Variants in AJAP1 observed in about 807,000 individuals in gnomAD.
AJAP1 encodes adherens junctions associated protein 1.
In AJAP1, 5 loss-of-function variants were observed where a neutral mutation model predicts 35.0. That is an observed-to-expected ratio of 0.14 (90% CI 0.07 to 0.30). The LOEUF (loss-of-function observed/expected upper bound fraction) is 0.30, where lower values mean the gene tolerates loss of function less well. Among genes scored for constraint, AJAP1 ranks in the 10% least tolerant of loss-of-function variants. The pLI, the probability that AJAP1 is intolerant of heterozygous loss-of-function variation, is 1.00. For missense variants in AJAP1, 586 were observed against 571.0 expected (o/e 1.03, Z -0.27); for synonymous variants, 284 against 249.3 (o/e 1.14, Z -1.31).
At chr1:4,678,940 C>T (rs1040627764) in intron 1 of AJAP1, among the ~76,000 whole-genome samples, 5 of 152,238 alleles carry the variant, frequency 3.3e-5, no homozygotes, top group African/African-American at 1.2e-4. Context: ...TCCTAATCCT[C>T]ATTGCACAGC....
At chr1:4,751,143 C>A (rs1557639452) in intron 2 of AJAP1, among the ~76,000 whole-genome samples, 2 of 152,162 alleles carry the variant, frequency 1.3e-5, no homozygotes, top group East Asian at 3.9e-4. Flanking sequence ...GACAGGTGCT[C>A]CTCCTCCAGA....
chr1:4,760,479 C>T (rs1641540695), intron 2 of AJAP1, among the ~76,000 whole-genome samples: 1 of 152,138 alleles, frequency 6.6e-6, no homozygotes, highest in African/African-American at 2.4e-5. Context: ...TCTGCTTCTT[C>T]CAGCACTGGA....
At chr1:4,704,198 G>A (rs374452134) in intron 1 of AJAP1, among the ~76,000 whole-genome samples, 72 of 148,696 alleles carry the variant, frequency 4.8e-4, no homozygotes, top group African/African-American at 1.7e-3. Flanking sequence ...GGGTACATGT[G>A]CACAATGTGC....
chr1:4,681,628 C>T (rs1639485261), intron 1 of AJAP1, among the ~76,000 whole-genome samples: 1 of 152,226 alleles, frequency 6.6e-6, no homozygotes, highest in Non-Finnish European at 1.5e-5. Context: ...TGCCTGGAGG[C>T]AGAATATTTT....
chr1:4,749,577 C>T (rs1039256398), intron 2 of AJAP1, among the ~76,000 whole-genome samples: 1 of 152,186 alleles, frequency 6.6e-6, no homozygotes, highest in African/African-American at 2.4e-5. Context: ...CTGTGGAGGC[C>T]AGGGGGAGGC....
intron 1 of AJAP1, among the ~76,000 whole-genome samples, chr1:4,683,260 C>T (rs917053238): frequency 2.0e-5 from 3 of 152,246 alleles, no homozygotes; most frequent in Non-Finnish European, 2.9e-5. Context: ...GTGCCTGGCA[C>T]TGGGCCTGCC....
At chr1:4,760,351 ATGAG>A (rs755402836) in intron 2 of AJAP1, among the ~76,000 whole-genome samples, 4 of 150,398 alleles carry the variant, frequency 2.7e-5, no homozygotes, top group Non-Finnish European at 4.4e-5. Flanking sequence ...GTGTGTGTGT[ATGAG>A]TGTGTGTGCA....
chr1:4,711,926 GC>G lies in AJAP1; in HGVS notation c.61del (p.Leu21SerfsTer8). On this transcript the variant is annotated frameshift_variant, in exon 2 of 6. Transcript: ENST00000378191. LOFTEE classifies it high-confidence loss of function. Reference protein sequence around the residue: ...LSSMSIRWPGRPLGSHAWILI... With the variant: ...LSSMSIRWPGXPLGSHAWILI... ...TCCATGTCCATCCGCTGGCCGGGCC[GC>G]CCCCTCGGAAGCCATGCCTGGATAC... 1 of 1,520,982 alleles carries G rather than the reference GC, an allele frequency of 6.6e-7. No individual in the cohort carries two copies. The allele number at this position is 1,520,982 out of a possible 1,614,324, so 94.2% of individuals were successfully genotyped here. A position where few individuals can be genotyped will look rare whatever the true frequency, so the allele number is the denominator to read the frequency against.
rs1484161999 is a variant in AJAP1 at position 4,791,331 on chromosome 1, T to G, written c.*8846T>G. 6.6e-6 allele frequency: 1 copy of G among 152,226 alleles called. No homozygotes were observed. The highest frequency in any genetic ancestry group is 2.4e-5 in the African/African-American group (1 of 41,464). The allele number at this position is 152,226 out of a possible 1,614,324, so 9.4% of individuals were successfully genotyped here. On this transcript the variant is annotated 3_prime_UTR_variant, in exon 6 of 6. Coordinates refer to ENST00000378191, the MANE Select transcript of AJAP1 (RefSeq NM_018836.4). Reference sequence around the variant, plus strand: ...ACATTTTTAGAGTCTGTTACATTATTTTCTCAAAAGGAACACATGTTTACT... The same window carrying G: ...ACATTTTTAGAGTCTGTTACATTATGTTCTCAAAAGGAACACATGTTTACT...
intron 2 of AJAP1, among the ~76,000 whole-genome samples, chr1:4,761,479 A>G (rs1356186255): frequency 6.6e-6 from 1 of 152,236 alleles, no homozygotes; most frequent in Non-Finnish European, 1.5e-5. Context: ...TGGAGCCCAC[A>G]GCCAGACAGA....
chr1:4,729,209 C>T (rs1371905727), intron 2 of AJAP1, among the ~76,000 whole-genome samples: 1 of 152,222 alleles, frequency 6.6e-6, no homozygotes, highest in Admixed American at 6.5e-5. Context: ...GCCTCACAGC[C>T]CGGGATGCAG....
intron 2 of AJAP1, among the ~76,000 whole-genome samples, chr1:4,717,264 G>A (rs1318594063): frequency 1.3e-5 from 2 of 152,206 alleles, no homozygotes; most frequent in African/African-American, 4.8e-5. Flanking sequence ...GGAGTGCTTG[G>A]TGTACAGTTA....
chr1:4,752,754 C>G (rs907275958), intron 2 of AJAP1, among the ~76,000 whole-genome samples: 4 of 152,156 alleles, frequency 2.6e-5, no homozygotes, highest in Non-Finnish European at 4.4e-5. Context: ...GTAACCCTAT[C>G]ATTTGAATAA....
chr1:4,736,204 C>A (rs1176326513), intron 2 of AJAP1, among the ~76,000 whole-genome samples: 3 of 152,242 alleles, frequency 2.0e-5, no homozygotes, highest in African/African-American at 7.2e-5. Context: ...ATAGTTGCCC[C>A]ATCAGTTCTC....
At chr1:4,760,323 G>A (rs1019092207) in intron 2 of AJAP1, among the ~76,000 whole-genome samples, 4 of 151,836 alleles carry the variant, frequency 2.6e-5, no homozygotes, top group African/African-American at 4.8e-5. Context: ...ATGAGTGTGT[G>A]TGAACGTGTG....
At chr1:4,689,835 C>A (rs1333546628) in intron 1 of AJAP1, among the ~76,000 whole-genome samples, 1 of 152,226 alleles carries the variant, frequency 6.6e-6, no homozygotes, top group South Asian at 2.1e-4. Flanking sequence ...AGGCCGCCCC[C>A]TCTCGCGGAT....
At chr1:4,709,656 T>C (rs929108013) in intron 1 of AJAP1, among the ~76,000 whole-genome samples, 4 of 152,174 alleles carry the variant, frequency 2.6e-5, no homozygotes, top group Non-Finnish European at 5.9e-5. Context: ...AGTGTGTATA[T>C]GGGGGAATTT....
intron 1 of AJAP1, among the ~76,000 whole-genome samples, chr1:4,708,248 G>A (rs1640145250): frequency 2.0e-5 from 3 of 152,044 alleles, no homozygotes; most frequent in Admixed American, 1.3e-4. Context: ...TTACAGGCGT[G>A]AGCCACCATG....
chr1:4,680,449 G>C lies in AJAP1; in HGVS notation c.29+24995G>C, dbSNP rs546324692. ...GTTCAAAGTGGACATGAACATGGGG[G>C]GACACAATTCCACCCAGTTACACCC... On this transcript the variant is annotated intron_variant, in intron 1 of 5. Coordinates refer to ENST00000378191, the MANE Select transcript of AJAP1 (RefSeq NM_018836.4). Among the ~76,000 whole-genome samples, 3 of 152,296 alleles carry C rather than the reference G, an allele frequency of 2.0e-5. No individual in the cohort carries two copies. The East Asian group carries it at 5.8e-4, about 29-fold the overall frequency.
Sources: gnomAD v4.1 joint callset for allele counts (sites outside exome capture counted in the v4.1 genomes callset) on GRCh38, gnomAD v4.1.1 for gene constraint, MANE v1.5 for transcripts, NCBI Gene and HGNC (gene_info 2026-07-23, HGNC 2026-07-21) for gene names.